The following MAGI2 variants were observed in gnomAD, a reference collection of about 807,000 sequenced individuals.
MAGI2 encodes membrane-associated guanylate kinase, WW and PDZ domain-containing protein 2.
MAGI2 carries 35 observed loss-of-function variants against 133.3 expected under a neutral mutation model. The observed-to-expected ratio is 0.26, with a 90% CI of 0.20 to 0.35. The LOEUF (loss-of-function observed/expected upper bound fraction) is 0.35. MAGI2 is among the 10% of genes least tolerant of loss of function. MAGI2 has a pLI of 1.00. For missense variants in MAGI2, 1,636 were observed against 1,863.4 expected (o/e 0.88, Z 2.25); for synonymous variants, 729 against 710.6 (o/e 1.03, Z -0.41).
At chr7:78,586,949 T>C (rs1803480660) in intron 3 of MAGI2, among the ~76,000 whole-genome samples, 1 of 152,244 alleles carries the variant, frequency 6.6e-6, no homozygotes, top group Admixed American at 6.5e-5. Context: ...TGTATGTATA[T>C]ACCACATTTT....
chr7:78,651,393 T>C (rs939687251), intron 2 of MAGI2, among the ~76,000 whole-genome samples: 2 of 152,226 alleles, frequency 1.3e-5, no homozygotes, highest in Middle Eastern at 3.4e-3. Context: ...TACATTGTCC[T>C]GATTCATTGG....
At chr7:79,079,398 G>T (rs1199977931) in intron 1 of MAGI2, among the ~76,000 whole-genome samples, 1 of 152,156 alleles carries the variant, frequency 6.6e-6, no homozygotes, top group Non-Finnish European at 1.5e-5. Flanking sequence ...TGGTCGATAA[G>T]GTGTTCTATG....
At chr7:78,750,963 G>C (rs1823398635) in intron 2 of MAGI2, among the ~76,000 whole-genome samples, 1 of 152,164 alleles carries the variant, frequency 6.6e-6, no homozygotes, top group African/African-American at 2.4e-5. Flanking sequence ...TCATAAGTTA[G>C]AGAGAAATCC....
intron 2 of MAGI2, among the ~76,000 whole-genome samples, chr7:78,685,771 G>A (rs1816232608): frequency 6.6e-6 from 1 of 151,890 alleles, no homozygotes; most frequent in Admixed American, 6.6e-5. Context: ...GGGATAAAGA[G>A]AGACAAGGAG....
chr7:79,411,320 A>T (rs1846126882), intron 1 of MAGI2: 1 of 152,172 alleles, frequency 6.6e-6, no homozygotes, highest in Non-Finnish European at 1.5e-5. Context: ...AAATAGGGAG[A>T]TTACCCTAGC....
At chr7:78,786,171 C>T (rs1826802503) in intron 2 of MAGI2, among the ~76,000 whole-genome samples, 1 of 152,056 alleles carries the variant, frequency 6.6e-6, no homozygotes, top group African/African-American at 2.4e-5. Context: ...TAGTATCATC[C>T]TTGCCTCCTC....
chr7:79,078,297 G>GT (rs36002774), intron 1 of MAGI2, among the ~76,000 whole-genome samples: 21 of 151,310 alleles, frequency 1.4e-4, no homozygotes, highest in Middle Eastern at 3.4e-3. Flanking sequence ...TCCATAGGTG[G>GT]TTTTTTTTTT....
chr7:78,855,010 G>A (rs990472199), intron 2 of MAGI2, among the ~76,000 whole-genome samples: 7 of 144,108 alleles, frequency 4.9e-5, no homozygotes, highest in East Asian at 4.2e-4. Context: ...TTACCACGAC[G>A]CCCAGCAAAT....
intron 1 of MAGI2, among the ~76,000 whole-genome samples, chr7:79,432,294 A>G (rs1241947603): frequency 1.3e-5 from 2 of 152,224 alleles, no homozygotes; most frequent in African/African-American, 4.8e-5. Flanking sequence ...TGTTGCATGC[A>G]CAGAAGTGGT....
At chr7:78,521,875 C>G (rs1266694195) in intron 3 of MAGI2, among the ~76,000 whole-genome samples, 1 of 151,982 alleles carries the variant, frequency 6.6e-6, no homozygotes, top group African/African-American at 2.4e-5. Context: ...ATAGATCTAT[C>G]TTTATTCTCA....
intron 13 of MAGI2, 71 bp from the exon 14 acceptor site, chr7:78,178,173 C>T: frequency 3.2e-6 from 3 of 931,574 alleles, no homozygotes; most frequent in Non-Finnish European, 5.2e-6. Flanking sequence ...CTGAACATAC[C>T]AATGATAAAT....
intron 3 of MAGI2, among the ~76,000 whole-genome samples, chr7:78,548,028 G>A (rs1046274526): frequency 6.6e-6 from 1 of 152,042 alleles, no homozygotes; most frequent in East Asian, 1.9e-4. Context: ...TCTTTAAATT[G>A]CCCTAGCTCA....
intron 1 of MAGI2, among the ~76,000 whole-genome samples, chr7:79,404,159 C>T (rs572852179): frequency 1.3e-5 from 2 of 152,184 alleles, no homozygotes; most frequent in South Asian, 4.1e-4. Context: ...AGCAACCATG[C>T]GTTTCACTCC....
chr7:79,318,766 T>G (rs1838942457), intron 1 of MAGI2, among the ~76,000 whole-genome samples: 1 of 152,162 alleles, frequency 6.6e-6, no homozygotes, highest in African/African-American at 2.4e-5. Flanking sequence ...AAAAAATAAT[T>G]AAACAAATTT....
chr7:78,382,153 A>G (rs1267710073), intron 6 of MAGI2, among the ~76,000 whole-genome samples: 3 of 151,318 alleles, frequency 2.0e-5, no homozygotes, highest in African/African-American at 7.3e-5. Flanking sequence ...ATGTGGTTAT[A>G]TGCAGATCAT....
chr7:78,755,018 G>A (rs1322113530), intron 2 of MAGI2, among the ~76,000 whole-genome samples: 3 of 152,072 alleles, frequency 2.0e-5, no homozygotes, highest in Non-Finnish European at 4.4e-5. Flanking sequence ...TATAAAGCTC[G>A]GAATTTGCTT....
chr7:78,197,825 A>C (rs1366657257), intron 11 of MAGI2: 1 of 152,390 alleles, frequency 6.6e-6, no homozygotes, highest in African/African-American at 2.4e-5. Context: ...TCCTAAACGG[A>C]GTTACCTGGT....
chr7:78,525,076 A>T lies in MAGI2; in HGVS notation c.539-3431T>A, dbSNP rs146139487. Among the ~76,000 whole-genome samples the T allele has an allele frequency of 6.8e-3, 1,042 of 152,284 alleles. 10 individuals carry two copies. Among genetic ancestry groups the T allele is most frequent in the African/African-American group, 0.024 (1,011 of 41,564 alleles). On this transcript the variant is annotated intron_variant, in intron 3 of 21. Transcript: ENST00000354212. Reference sequence around the variant, plus strand: ...CTAAATAACAGATCCTGCTAAATTTATATTACTAATTATACCTATTGGTAT... The same window carrying T: ...CTAAATAACAGATCCTGCTAAATTTTTATTACTAATTATACCTATTGGTAT...
At chr7:78,382,096 G>GAACTA (rs1337359212) in intron 6 of MAGI2, among the ~76,000 whole-genome samples, 2 of 152,090 alleles carry the variant, frequency 1.3e-5, no homozygotes, top group Admixed American at 6.5e-5. Context: ...AGACAGTACA[G>GAACTA]AACTATACAG....
Sources: allele counts gnomAD v4.1 joint callset (sites outside exome capture counted in the v4.1 genomes callset), GRCh38; gene constraint gnomAD v4.1.1; transcripts MANE v1.5; gene names NCBI Gene and HGNC (gene_info 2026-07-23, HGNC 2026-07-21).